The following PLEKHG1 variants were observed in gnomAD, a reference collection of about 807,000 sequenced individuals.
PLEKHG1 encodes pleckstrin homology and RhoGEF domain containing G1, also known as pleckstrin homology domain-containing family G member 1.
PLEKHG1 carries 44 observed loss-of-function variants against 100.8 expected under a neutral mutation model. The observed-to-expected ratio is 0.44, with a 90% CI of 0.34 to 0.56. PLEKHG1 has a LOEUF of 0.56. Ranked by LOEUF, PLEKHG1 falls within the 20% of genes least tolerant of loss-of-function variation. The pLI is 0.01. For synonymous variants in PLEKHG1, 640 were observed against 662.5 expected (o/e 0.97, Z 0.52); for missense variants, 1,545 against 1,720.9 (o/e 0.90, Z 1.81).
intron 3 of PLEKHG1, among the ~76,000 whole-genome samples, chr6:150,674,632 CCTCT>C (rs756355880): frequency 0.049 from 3,220 of 66,158 alleles, 115 homozygotes; most frequent in Middle Eastern, 0.083. Flanking sequence ...CTCTCTCCTC[CCTCT>C]CTCTCTCTCT....
At chr6:150,832,244 A>C in intron 15 of PLEKHG1, 39 bp downstream of exon 16, 1 of 1,497,294 alleles carries the variant, frequency 6.7e-7, no homozygotes, top group East Asian at 2.3e-5. Context: ...CCAAAGTAAG[A>C]GGGGAGAGCG....
intron 3 of PLEKHG1, among the ~76,000 whole-genome samples, chr6:150,687,320 T>C (rs1456364570): frequency 1.3e-5 from 2 of 152,238 alleles, no homozygotes; most frequent in African/African-American, 4.8e-5. Context: ...AAAGGTATAC[T>C]GGCTTTTGGC....
At chr6:150,635,446 A>G (rs539378928) in intron 1 of PLEKHG1, among the ~76,000 whole-genome samples, 6 of 152,214 alleles carry the variant, frequency 3.9e-5, no homozygotes, top group Admixed American at 2.0e-4. Flanking sequence ...CACTAAGTGT[A>G]ATTTGTAATT....
chr6:150,757,769 C>G (rs565347242), intron 2 of PLEKHG1, among the ~76,000 whole-genome samples: 1 of 152,272 alleles, frequency 6.6e-6, no homozygotes, highest in East Asian at 1.9e-4. Flanking sequence ...AAACATGTCC[C>G]ATGGTGGTTT....
intron 1 of PLEKHG1, among the ~76,000 whole-genome samples, chr6:150,616,337 G>C (rs1023731927): frequency 2.0e-5 from 3 of 152,210 alleles, no homozygotes; most frequent in Non-Finnish European, 4.4e-5. Flanking sequence ...GTTGTAGAAG[G>C]AAAGAGTAGC....
chr6:150,736,223 C>T lies in PLEKHG1; in HGVS notation c.411+2131C>T, dbSNP rs1412547306. 3.3e-5 allele frequency among the ~76,000 whole-genome samples: 5 copies of T among 152,312 alleles called. No individual in the cohort carries two copies. In the South Asian group the frequency reaches 8.3e-4, roughly 25 times the overall value. ...TGACCCAACGGCCACAGTTTGCTCA[C>T]CCCTGTCTTAGGCTATAAGTTTGTG... On this transcript the variant is annotated intron_variant, in intron 2 of 15. Transcript: ENST00000358517.
intron 10 of PLEKHG1, among the ~76,000 whole-genome samples, chr6:150,812,994 A>T (rs749072514): frequency 6.6e-6 from 1 of 152,122 alleles, no homozygotes; most frequent in Non-Finnish European, 1.5e-5. Context: ...TGTCTGAGGG[A>T]AAGTGGAAAG....
chr6:150,658,508 A>G (rs1325040645), intron 3 of PLEKHG1, among the ~76,000 whole-genome samples: 1 of 152,218 alleles, frequency 6.6e-6, no homozygotes, highest in Non-Finnish European at 1.5e-5. Flanking sequence ...CATAAATGGA[A>G]TATAGTAACC....
At chr6:150,769,599 A>G (rs1312878247) in intron 3 of PLEKHG1, among the ~76,000 whole-genome samples, 2 of 151,486 alleles carry the variant, frequency 1.3e-5, no homozygotes, top group African/African-American at 2.4e-5. Context: ...AAAAAAAAAA[A>G]AAAAGAAAGA....
intron 4 of PLEKHG1, among the ~76,000 whole-genome samples, chr6:150,788,182 A>G (rs1434382879): frequency 6.6e-6 from 1 of 152,254 alleles, no homozygotes; most frequent in East Asian, 1.9e-4. Context: ...AATATTGCCA[A>G]GTTTAATTAG....
rs181983500 is a variant in PLEKHG1, at chr6:150,836,293, G to A, written c.3095-3540G>A. 2.0e-4 allele frequency among the ~76,000 whole-genome samples: 31 copies of A among 152,124 alleles called. No homozygotes were observed. The East Asian group carries it at 5.8e-3, about 29-fold the overall frequency. ...CTCTGGAGGCTGAGGCAGCAGAATC[G>A]CTTGAACCTGGGAAGTGGAAGTTGC... is the stretch of plus-strand genomic sequence containing the variant. On this transcript the variant is annotated intron_variant, in intron 15 of 15. Transcript: ENST00000358517.
chr6:150,621,417 C>G (rs1777295985), intron 1 of PLEKHG1, among the ~76,000 whole-genome samples: 1 of 151,264 alleles, frequency 6.6e-6, no homozygotes, highest in Admixed American at 6.6e-5. Flanking sequence ...CTCTGTTGCC[C>G]AGGCTGGAAT....
rs570470378 is a variant in PLEKHG1, at chr6:150,820,678, A to G, written c.1409-517A>G. Among the ~76,000 whole-genome samples the G allele has an allele frequency of 5.3e-5, 8 of 152,238 alleles. No individual in the cohort carries two copies. The South Asian group carries it at 1.7e-3, about 32-fold the overall frequency. The stretch of plus-strand genomic sequence containing the variant: ...TCAGGAGTTTGAGACCTGTCTGGCC[A>G]ACATGGTGAAACCCTATCTCTACTA... On this transcript the variant is annotated intron_variant, in intron 12 of 15. Transcript: ENST00000358517.
intron 3 of PLEKHG1, among the ~76,000 whole-genome samples, chr6:150,659,087 G>A (rs1210852797): frequency 6.6e-6 from 1 of 152,142 alleles, no homozygotes; most frequent in Non-Finnish European, 1.5e-5. Flanking sequence ...GCCGTCAGAT[G>A]TGCACGCAGC....
At chr6:150,834,462 T>A (rs549168329) in intron 15 of PLEKHG1, among the ~76,000 whole-genome samples, 10 of 152,296 alleles carry the variant, frequency 6.6e-5, no homozygotes, top group African/African-American at 2.4e-4. Flanking sequence ...AGACTACCAC[T>A]GAAAAAGTAG....
intron 2 of PLEKHG1, among the ~76,000 whole-genome samples, chr6:150,763,176 C>T (rs1784272535): frequency 1.3e-5 from 2 of 151,734 alleles, no homozygotes; most frequent in African/African-American, 2.4e-5. Context: ...TACAGCTGCC[C>T]ACCACCACAC....
chr6:150,769,643 G>T (rs1784619389), intron 3 of PLEKHG1, among the ~76,000 whole-genome samples: 1 of 151,666 alleles, frequency 6.6e-6, no homozygotes, highest in Non-Finnish European at 1.5e-5. Context: ...TTCGTAGACT[G>T]GTTAACAGCA....
chr6:150,715,295 A>C lies in PLEKHG1; in HGVS notation c.-98-18289A>C, dbSNP rs181747306. Among the ~76,000 whole-genome samples, 441 of 152,266 alleles carry C rather than the reference A, an allele frequency of 2.9e-3. 11 individuals are homozygous for C. Among genetic ancestry groups the C allele is most frequent in the Admixed American group, 0.028 (422 of 15,292 alleles). The stretch of plus-strand genomic sequence containing the variant: ...GTAGTTGGTGATATTTTCCGGGTTT[A>C]GAGTAGACAGTCTGGAAGAATGTGT... On this transcript the variant is annotated intron_variant, in intron 3 of 3. Transcript: ENST00000367326.
chr6:150,652,560 A>C lies in PLEKHG1; in HGVS notation c.-99+1774A>C, dbSNP rs975537583. Among the ~76,000 whole-genome samples, 5 of 152,012 alleles carry C rather than the reference A, an allele frequency of 3.3e-5. No homozygotes were observed. The East Asian group carries it at 9.6e-4, about 29-fold the overall frequency. The stretch of plus-strand genomic sequence containing the variant: ...ACATAGTGAAACCCCGTCGCTATTA[A>C]AAATACAAAATTAGCTGGGCGTGGT... On this transcript the variant is annotated intron_variant, in intron 3 of 3. Transcript: ENST00000367326.
Sources: allele counts gnomAD v4.1 joint callset (sites outside exome capture counted in the v4.1 genomes callset), GRCh38; gene constraint gnomAD v4.1.1; transcripts MANE v1.5; gene names NCBI Gene and HGNC (gene_info 2026-07-23, HGNC 2026-07-21).